The following DARS1 variants were observed in gnomAD, a reference collection of about 807,000 sequenced individuals.
DARS1 encodes the protein aspartate--tRNA ligase, cytoplasmic.
In DARS1, 51 loss-of-function variants were observed where a neutral mutation model predicts 68.8. That is an observed-to-expected ratio of 0.74 (90% CI 0.59 to 0.94). The LOEUF is 0.94. Ranked by LOEUF, DARS1 falls within the 40% of genes least tolerant of loss-of-function variation. The pLI, the probability that DARS1 is intolerant of heterozygous loss-of-function variation, is 0.00. For synonymous variants in DARS1, 203 were observed against 190.4 expected (o/e 1.07, Z -0.55); for missense variants, 607 against 597.3 (o/e 1.02, Z -0.17).
intron 10 of DARS1, among the ~76,000 whole-genome samples, chr2:135,919,504 T>C (rs1681071310): frequency 6.6e-6 from 1 of 152,136 alleles, no homozygotes; most frequent in African/African-American, 2.4e-5. Context: ...CTTATTAAAA[T>C]GCTAGCTTAG....
intron 11 of DARS1, among the ~76,000 whole-genome samples, chr2:135,915,027 T>C (rs1680975581): frequency 6.6e-6 from 1 of 152,152 alleles, no homozygotes; most frequent in African/African-American, 2.4e-5. Context: ...AAAAAAATAC[T>C]ACCTAAGCTT....
At chr2:135,920,092 A>G (rs1275266560) in intron 10 of DARS1, among the ~76,000 whole-genome samples, 1 of 152,112 alleles carries the variant, frequency 6.6e-6, no homozygotes, top group Non-Finnish European at 1.5e-5. Flanking sequence ...CTTACACACT[A>G]CCCTCATACT....
chr2:135,927,213 G>A (rs1681238755), intron 7 of DARS1, among the ~76,000 whole-genome samples: 1 of 152,046 alleles, frequency 6.6e-6, no homozygotes, highest in Non-Finnish European at 1.5e-5. Context: ...CAACTTATCA[G>A]TAAGATTACA....
chr2:135,963,827 C>G (rs1334524998), intron 3 of DARS1, among the ~76,000 whole-genome samples: 2 of 151,984 alleles, frequency 1.3e-5, no homozygotes, highest in Non-Finnish European at 2.9e-5. Context: ...CTACAAGTGC[C>G]TACCACCACA....
intron 10 of DARS1, among the ~76,000 whole-genome samples, chr2:135,918,967 G>A (rs1681056818): frequency 6.6e-6 from 1 of 152,226 alleles, no homozygotes; most frequent in African/African-American, 2.4e-5. Flanking sequence ...GTACAAAGCT[G>A]CAGAGAATGC....
chr2:135,932,828 A>C lies in DARS1; in HGVS notation c.519T>G (p.Thr173=). Residue 173 remains threonine, a synonymous_variant, in exon 7 of 16, where the codon ACT becomes ACG. Coordinates refer to ENST00000264161, the MANE Select transcript of DARS1 (RefSeq NM_001349.4). ...TGTCTAATCTTGTATCCTGGTTAAC[A>C]GTAGCTCTTCCTTCCTAAAAAAAAA... The part of the protein sequence containing the change: ...EAEGEEEGRA[T]VNQDTRLDNR... 1 of 1,314,582 alleles carries C rather than the reference A, an allele frequency of 7.6e-7. No homozygotes were observed. The highest frequency in any genetic ancestry group is 1.1e-6 in the Non-Finnish European group (1 of 923,336). The allele number at this position is 1,314,582 out of a possible 1,614,324, so 81.4% of individuals were successfully genotyped here. A position where few individuals can be genotyped will look rare whatever the true frequency, so the allele number is the denominator to read the frequency against.
intron 8 of DARS1, 31 bp downstream of exon 8, chr2:135,924,356 T>A: frequency 6.4e-7 from 1 of 1,551,768 alleles, no homozygotes; most frequent in African/African-American, 1.4e-5. Context: ...AATTTATTTT[T>A]AAAAATTAAG....
intron 4 of DARS1, among the ~76,000 whole-genome samples, chr2:135,944,917 A>G (rs542876292): frequency 2.0e-5 from 3 of 152,276 alleles, no homozygotes; most frequent in African/African-American, 7.2e-5. Context: ...TTCACAAGGA[A>G]GGTTTTCTCC....
At chr2:135,934,452 T>C (rs571122822) in intron 5 of DARS1, among the ~76,000 whole-genome samples, 64 of 151,900 alleles carry the variant, frequency 4.2e-4, no homozygotes, top group African/African-American at 1.5e-3. Flanking sequence ...TGAAACCCCG[T>C]CTCTACAAAA....
chr2:135,907,238 C>CTTTGTTTTTTTT lies in DARS1; in HGVS notation c.*77_*78insAAAAAAAACAAA. 2 of 724,934 alleles carry CTTTGTTTTTTTT rather than the reference C, an allele frequency of 2.8e-6. No individual in the cohort carries two copies. The highest frequency in any genetic ancestry group is 2.1e-5 in the South Asian group (1 of 47,038). The allele number at this position is 724,934 out of a possible 1,614,324, so 44.9% of individuals were successfully genotyped here. A position where few individuals can be genotyped will look rare whatever the true frequency, so the allele number is the denominator to read the frequency against. ...AGGTTACTGAAAAGAATAAGTGTGG[C>CTTTGTTTTTTTT]TTTCTTTTTTTTTTTTTTTTTTTGA... On this transcript the variant is annotated 3_prime_UTR_variant, in exon 16 of 16. Coordinates refer to ENST00000264161, the MANE Select transcript of DARS1 (RefSeq NM_001349.4).
intron 4 of DARS1, among the ~76,000 whole-genome samples, chr2:135,959,285 TG>T (rs755069468): frequency 1.3e-5 from 2 of 150,054 alleles, no homozygotes; most frequent in Admixed American, 6.7e-5. Context: ...TCCCAGCTAC[TG>T]GGGAGGCTGA....
In DARS1 at chr2:135,956,328, AT is replaced by A. The variant is rs1681976055; in HGVS notation, c.320+5067del. Among the ~76,000 whole-genome samples the A allele has an allele frequency of 2.6e-5, 4 of 152,214 alleles. No homozygotes were observed. In the South Asian group the frequency reaches 8.3e-4, roughly 31 times the overall value. On this transcript the variant is annotated intron_variant, in intron 4 of 15. Coordinates refer to ENST00000264161, the MANE Select transcript of DARS1 (RefSeq NM_001349.4). ...AAAGATGGGAATATAGAGTCAGTGGATGGAAAATTACTAAGAGGAGCCATCA... is the reference window on the plus strand; with the variant it reads ...AAAGATGGGAATATAGAGTCAGTGGAGGAAAATTACTAAGAGGAGCCATCA...
At chr2:135,943,325 A>C in intron 5 of DARS1, 53 bp downstream of exon 5, 1 of 1,581,014 alleles carries the variant, frequency 6.3e-7, no homozygotes, top group Non-Finnish European at 8.6e-7. Flanking sequence ...CATGAAAACT[A>C]TTAGAACCCA....
intron 7 of DARS1, among the ~76,000 whole-genome samples, chr2:135,931,093 A>T (rs779923505): frequency 1.3e-5 from 2 of 152,228 alleles, no homozygotes; most frequent in African/African-American, 4.8e-5. Context: ...GTCAGGCTAC[A>T]CTAGAACCTG....
Position 135,906,679 on chromosome 2 carries a change from C to T in DARS1, c.*637G>A, listed in dbSNP as rs1195202383. ...TGGCCACAAAGTTACACAAAAACTACAATTAGCTTTAAAATTTTATTGAAA... is the reference window on the plus strand; with the variant it reads ...TGGCCACAAAGTTACACAAAAACTATAATTAGCTTTAAAATTTTATTGAAA... On this transcript the variant is annotated 3_prime_UTR_variant, in exon 16 of 16. Coordinates refer to ENST00000264161, the MANE Select transcript of DARS1 (RefSeq NM_001349.4). The T allele has an allele frequency of 6.6e-6, 1 of 152,144 alleles. No individual in the cohort carries two copies. The highest frequency in any genetic ancestry group is 2.4e-5 in the African/African-American group (1 of 41,434). 9.4% of individuals were successfully genotyped at this position (152,144 alleles called of 1,614,324 possible).
chr2:135,943,904 C>T (rs1479434202), intron 4 of DARS1, among the ~76,000 whole-genome samples: 1 of 152,020 alleles, frequency 6.6e-6, no homozygotes, highest in Non-Finnish European at 1.5e-5. Context: ...TAATAGAAGA[C>T]GGTCAACTGA....
At chr2:135,945,640 C>G (rs1331369777) in intron 4 of DARS1, among the ~76,000 whole-genome samples, 1 of 152,152 alleles carries the variant, frequency 6.6e-6, no homozygotes, top group Non-Finnish European at 1.5e-5. Context: ...ACTTTAATTT[C>G]GTAGTACTGA....
intron 1 of DARS1, among the ~76,000 whole-genome samples, chr2:135,984,106 A>G (rs1443417727): frequency 2.0e-5 from 3 of 152,240 alleles, no homozygotes; most frequent in Non-Finnish European, 4.4e-5. Context: ...AACAGGAAAC[A>G]GAAGACCTAG....
In DARS1 at chr2:135,914,456, T is replaced by A. The variant is rs747059145; in HGVS notation, c.1149+13A>T. ...GAATTAGAAAAAGAAATCCAGCATA[T>A]AAAGAGTCCTACCTTTTCCTTTACC... On this transcript the variant is annotated intron_variant, in intron 12 of 15. Coordinates refer to ENST00000264161, the MANE Select transcript of DARS1 (RefSeq NM_001349.4). The A allele has an allele frequency of 8.1e-7, 1 of 1,238,562 alleles. No homozygotes were observed. Among genetic ancestry groups the A allele is most frequent in the Non-Finnish European group, 1.2e-6 (1 of 837,222 alleles). 76.7% of individuals were successfully genotyped at this position (1,238,562 alleles called of 1,614,324 possible).
Sources: gnomAD v4.1 joint callset for allele counts (sites outside exome capture counted in the v4.1 genomes callset) on GRCh38, gnomAD v4.1.1 for gene constraint, MANE v1.5 for transcripts, NCBI Gene and HGNC (gene_info 2026-07-23, HGNC 2026-07-21) for gene names.